ZRANB3: variants seen among roughly 807,000 people sequenced by gnomAD.
ZRANB3 encodes zinc finger RANBP2-type containing 3, also known as DNA annealing helicase and endonuclease ZRANB3.
Under a neutral mutation model 133.8 loss-of-function variants are expected in ZRANB3, and 125 were observed. The observed-to-expected ratio is 0.93, with a 90% CI of 0.81 to 1.08. ZRANB3 has a LOEUF of 1.08. ZRANB3 is among the 50% of genes least tolerant of loss of function. The pLI is 0.00. For synonymous variants in ZRANB3, 387 were observed against 432.7 expected (o/e 0.89, Z 1.31); for missense variants, 1,229 against 1,275.5 (o/e 0.96, Z 0.56).
chr2:135,464,387 C>CA lies in ZRANB3; in HGVS notation c.161+39941dup, dbSNP rs535499040. On this transcript the variant is annotated intron_variant, in intron 2 of 20. Coordinates refer to ENST00000264159, the MANE Select transcript of ZRANB3 (RefSeq NM_032143.4). ...TGTGGAGGCACAGGGATCCATGTCA[C>CA]ACTGTTCGCCTTAGGGTGGAAGTTG... 6.6e-5 allele frequency among the ~76,000 whole-genome samples: 10 copies of CA among 152,300 alleles called. No homozygotes were observed. In the South Asian group the frequency reaches 2.1e-3, roughly 32 times the overall value.
chr2:135,491,266 A>G (rs1692359620), intron 2 of ZRANB3, among the ~76,000 whole-genome samples: 1 of 152,232 alleles, frequency 6.6e-6, no homozygotes, highest in African/African-American at 2.4e-5. Context: ...CAACACAGAA[A>G]TTACATACCT....
intron 6 of ZRANB3, among the ~76,000 whole-genome samples, chr2:135,340,771 G>C (rs2104859676): frequency 6.6e-6 from 1 of 150,756 alleles, no homozygotes; most frequent in South Asian, 2.1e-4. Context: ...CAGGAGAATT[G>C]CTTGAACCTA....
At position 135,211,167 on chromosome 2, in the gene ZRANB3, T is replaced by C. The variant is rs557441307; in HGVS notation, c.2496-2189A>G. Among the ~76,000 whole-genome samples the C allele has an allele frequency of 2.6e-5, 4 of 152,352 alleles. No homozygotes were observed. In the East Asian group the frequency reaches 5.8e-4, roughly 22 times the overall value. On this transcript the variant is annotated intron_variant, in intron 17 of 20. Coordinates refer to ENST00000264159, the MANE Select transcript of ZRANB3 (RefSeq NM_032143.4). Reference sequence around the variant, plus strand: ...GCATAAAATTCACCAATTTAAAGTTTACAATTAAGTGCATTAACAGTATAT... The same window carrying C: ...GCATAAAATTCACCAATTTAAAGTTCACAATTAAGTGCATTAACAGTATAT...
At chr2:135,303,120 G>A (rs931902960) in intron 8 of ZRANB3, among the ~76,000 whole-genome samples, 1 of 152,048 alleles carries the variant, frequency 6.6e-6, no homozygotes, top group Non-Finnish European at 1.5e-5. Context: ...ATGGAACAAG[G>A]AGAGTATATT....
At chr2:135,450,405 T>TA (rs1262962582) in intron 2 of ZRANB3, among the ~76,000 whole-genome samples, 5 of 151,966 alleles carry the variant, frequency 3.3e-5, no homozygotes, top group Non-Finnish European at 7.4e-5. Context: ...CCTATGATAC[T>TA]AAAAAATTTT....
At chr2:135,442,094 A>C (rs1222319600) in intron 2 of ZRANB3, among the ~76,000 whole-genome samples, 3 of 152,352 alleles carry the variant, frequency 2.0e-5, no homozygotes, top group East Asian at 1.9e-4. Flanking sequence ...TAAAAACCCC[A>C]GAAGAAAACC....
chr2:135,287,670 CTT>C (rs59739293), intron 8 of ZRANB3, among the ~76,000 whole-genome samples: 19 of 98,022 alleles, frequency 1.9e-4, no homozygotes, highest in African/African-American at 3.5e-4. Flanking sequence ...TATTTCTTTC[CTT>C]TTTTTTTTTT....
intron 2 of ZRANB3, among the ~76,000 whole-genome samples, chr2:135,407,805 C>T (rs1212993529): frequency 7.1e-6 from 1 of 140,792 alleles, no homozygotes; most frequent in Non-Finnish European, 1.5e-5. Flanking sequence ...TTCCTTACAC[C>T]TTATACAAAA....
Position 135,483,917 on chromosome 2 carries a change from C to T in ZRANB3, c.161+20412G>A, listed in dbSNP as rs937116929. 3.9e-5 allele frequency among the ~76,000 whole-genome samples: 6 copies of T among 152,038 alleles called. No homozygotes were observed. The South Asian group carries it at 6.2e-4, about 16-fold the overall frequency. Reference sequence around the variant, plus strand: ...GTTGTTCAGTTTCCATGTAGTTGAGCGGTTTTGAGTGAGATTCTTAATCCT... The same window carrying T: ...GTTGTTCAGTTTCCATGTAGTTGAGTGGTTTTGAGTGAGATTCTTAATCCT... On this transcript the variant is annotated intron_variant, in intron 2 of 20. Transcript: ENST00000264159.
At chr2:135,398,678 C>G (rs1687607712) in intron 2 of ZRANB3, among the ~76,000 whole-genome samples, 1 of 151,032 alleles carries the variant, frequency 6.6e-6, no homozygotes, top group African/African-American at 2.4e-5. Context: ...GCCACCATGC[C>G]CAGCTAATTT....
At chr2:135,328,038 T>C (rs1483047606) in intron 6 of ZRANB3, among the ~76,000 whole-genome samples, 4 of 152,110 alleles carry the variant, frequency 2.6e-5, no homozygotes, top group Non-Finnish European at 4.4e-5. Context: ...CAGTTGACTT[T>C]TAATTTTTTT....
Position 135,511,313 on chromosome 2 carries a change from G to A in ZRANB3, c.-7-6817C>T. The stretch of plus-strand genomic sequence containing the variant: ...ATACTAGCTCAGACTTTTCCTCTTG[G>A]ATTTCAGATACACATTCTTGTTCTG... On this transcript the variant is annotated intron_variant, in intron 1 of 20. Transcript: ENST00000264159. The A allele has an allele frequency of 1.0e-5, 9 of 901,288 alleles. No individual in the cohort carries two copies. In the South Asian group the frequency reaches 1.2e-4, roughly 12 times the overall value. 55.8% of individuals were successfully genotyped at this position (901,288 alleles called of 1,614,324 possible).
At chr2:135,421,262 A>T (rs1688831284) in intron 2 of ZRANB3, among the ~76,000 whole-genome samples, 1 of 152,184 alleles carries the variant, frequency 6.6e-6, no homozygotes, top group Admixed American at 6.5e-5. Context: ...GGCACACCAA[A>T]CCAGATTTGG....
At chr2:135,360,446 C>G (rs1573973435) in intron 3 of ZRANB3, among the ~76,000 whole-genome samples, 1 of 151,934 alleles carries the variant, frequency 6.6e-6, no homozygotes, top group Non-Finnish European at 1.5e-5. Context: ...GTGGCTCATG[C>G]CTGTATCCCA....
intron 3 of ZRANB3, among the ~76,000 whole-genome samples, chr2:135,356,251 C>T (rs972059606): frequency 6.6e-6 from 1 of 151,986 alleles, no homozygotes; most frequent in African/African-American, 2.4e-5. Flanking sequence ...TAACAACATA[C>T]TACATTCTTA....
intron 2 of ZRANB3, among the ~76,000 whole-genome samples, chr2:135,463,826 T>C (rs192718831): frequency 6.6e-6 from 1 of 152,346 alleles, no homozygotes; most frequent in East Asian, 1.9e-4. Context: ...ACCTTAGAAC[T>C]AGTCACAAAA....
chr2:135,390,144 G>GTTGGGATTACAGGCGTGAGCCACTGCT (rs1187260729), intron 3 of ZRANB3, among the ~76,000 whole-genome samples: 1 of 151,956 alleles, frequency 6.6e-6, no homozygotes, highest in Non-Finnish European at 1.5e-5. Context: ...CTCCCAAAGT[G>GTTGGGATTACAGGCGTGAGCCACTGCT]TTGGGATTAC....
chr2:135,394,823 G>A (rs1029235951), intron 2 of ZRANB3, among the ~76,000 whole-genome samples: 1 of 151,858 alleles, frequency 6.6e-6, no homozygotes, highest in African/African-American at 2.4e-5. Flanking sequence ...GTCTAGTTAT[G>A]TAAAAGATAC....
At chr2:135,355,766 G>C (rs989635913) in intron 3 of ZRANB3, among the ~76,000 whole-genome samples, 1 of 152,134 alleles carries the variant, frequency 6.6e-6, no homozygotes, top group South Asian at 2.1e-4. Flanking sequence ...CCTATTTTTT[G>C]TGTGTGGACA....
Sources: gnomAD v4.1 joint callset for allele counts (sites outside exome capture counted in the v4.1 genomes callset) on GRCh38, gnomAD v4.1.1 for gene constraint, MANE v1.5 for transcripts, NCBI Gene and HGNC (gene_info 2026-07-23, HGNC 2026-07-21) for gene names.